The following FGGY variants were observed in gnomAD, a reference collection of about 807,000 sequenced individuals.
FGGY encodes FGGY carbohydrate kinase domain containing, also known as FGGY carbohydrate kinase domain-containing protein.
A neutral mutation model predicts 71.3 loss-of-function variants in FGGY; 72 were observed. That is an observed-to-expected ratio of 1.01 (90% CI 0.84 to 1.23). The LOEUF is 1.23. FGGY is among the 50% of genes most tolerant of loss of function. The pLI is 0.00. For missense variants in FGGY, 668 were observed against 682.3 expected (o/e 0.98, Z 0.23); for synonymous variants, 251 against 250.3 (o/e 1.00, Z -0.02).
chr1:59,567,214 A>T (rs1352304121), intron 8 of FGGY, among the ~76,000 whole-genome samples: 1 of 152,190 alleles, frequency 6.6e-6, no homozygotes, highest in African/African-American at 2.4e-5. Flanking sequence ...TTCCTTGATT[A>T]ACTGACCCTT....
chr1:59,317,503 C>G (rs539347827), intron 1 of FGGY, among the ~76,000 whole-genome samples: 2 of 152,214 alleles, frequency 1.3e-5, no homozygotes, highest in Non-Finnish European at 2.9e-5. Flanking sequence ...TTCCACTTTA[C>G]AGTTACTTTA....
chr1:59,538,946 G>A (rs993986046), intron 7 of FGGY, among the ~76,000 whole-genome samples: 3 of 152,026 alleles, frequency 2.0e-5, no homozygotes, highest in Non-Finnish European at 4.4e-5. Flanking sequence ...ATATGCATAT[G>A]TAACTAACCT....
chr1:59,607,507 G>A (rs907182859), intron 8 of FGGY, among the ~76,000 whole-genome samples: 24 of 152,308 alleles, frequency 1.6e-4, no homozygotes, highest in Middle Eastern at 3.4e-3. Context: ...ACACAGGAAG[G>A]GTGGAGAATG....
At chr1:59,451,925 T>G (rs577928961) in intron 5 of FGGY, among the ~76,000 whole-genome samples, 2 of 152,268 alleles carry the variant, frequency 1.3e-5, no homozygotes, top group South Asian at 4.1e-4. Flanking sequence ...TGTATAATTT[T>G]CTGTTTACTC....
At chr1:59,740,965 A>G (rs966176190) in intron 14 of FGGY, among the ~76,000 whole-genome samples, 1 of 152,246 alleles carries the variant, frequency 6.6e-6, no homozygotes, top group Non-Finnish European at 1.5e-5. Flanking sequence ...TAATTTTTGT[A>G]TTGATTACTT....
At chr1:59,427,605 G>A (rs1335018300) in intron 5 of FGGY, among the ~76,000 whole-genome samples, 1 of 152,194 alleles carries the variant, frequency 6.6e-6, no homozygotes, top group Non-Finnish European at 1.5e-5. Context: ...AAGCATTTGA[G>A]AGATGCTTTA....
At chr1:59,363,614 G>A (rs1041206938) in intron 4 of FGGY, among the ~76,000 whole-genome samples, 1 of 152,188 alleles carries the variant, frequency 6.6e-6, no homozygotes, top group African/African-American at 2.4e-5. Flanking sequence ...AGAATGTAGT[G>A]AGGCCCTCTA....
chr1:59,526,328 A>G (rs1367548020), intron 7 of FGGY, among the ~76,000 whole-genome samples: 3 of 152,230 alleles, frequency 2.0e-5, no homozygotes, highest in African/African-American at 7.2e-5. Context: ...CTTAATGAAG[A>G]GAGGAAATAT....
intron 6 of FGGY, among the ~76,000 whole-genome samples, chr1:59,490,802 G>A (rs2093806931): frequency 6.6e-6 from 1 of 152,016 alleles, no homozygotes; most frequent in Non-Finnish European, 1.5e-5. Context: ...AGTGAATGCT[G>A]TTGGTGCTTT....
intron 10 of FGGY, among the ~76,000 whole-genome samples, chr1:59,633,862 A>G (rs1481796430): frequency 6.6e-6 from 1 of 152,208 alleles, no homozygotes; most frequent in African/African-American, 2.4e-5. Flanking sequence ...GGTGAAAGAC[A>G]GTAGATCTCT....
intron 8 of FGGY, among the ~76,000 whole-genome samples, chr1:59,582,708 TTTG>T (rs943225259): frequency 6.7e-6 from 1 of 150,288 alleles, no homozygotes; most frequent in Middle Eastern, 3.4e-3. Context: ...TCCTTCTGTG[TTTG>T]TTGTTAGTTA....
intron 8 of FGGY, among the ~76,000 whole-genome samples, chr1:59,587,489 C>T (rs931522720): frequency 1.3e-5 from 2 of 152,270 alleles, no homozygotes; most frequent in South Asian, 2.1e-4. Context: ...GGCAGACTGC[C>T]TCCTCAAGTG....
chr1:59,386,520 C>G lies in FGGY; in HGVS notation c.554+7683C>G, dbSNP rs115049642. Among the ~76,000 whole-genome samples the G allele has an allele frequency of 4.1e-3, 620 of 152,208 alleles. 5 individuals are homozygous for G. The highest frequency in any genetic ancestry group is 0.013 in the African/African-American group (538 of 41,552). On this transcript the variant is annotated intron_variant, in intron 5 of 15. Coordinates refer to ENST00000303721, the MANE Select transcript of FGGY (RefSeq NM_018291.5). ...GCTGAGATATTGTCAGGTTTCTCCA[C>G]TCTAAATTACTCTTCCACCCCCCAC... is the stretch of plus-strand genomic sequence containing the variant.
intron 3 of FGGY, among the ~76,000 whole-genome samples, chr1:59,344,700 C>G (rs1456138736): frequency 1.3e-5 from 2 of 152,118 alleles, no homozygotes; most frequent in African/African-American, 2.4e-5. Context: ...TTCCCATGTA[C>G]TTCAGATAAT....
At chr1:59,591,477 G>A (rs143909755) in intron 8 of FGGY, among the ~76,000 whole-genome samples, 8,072 of 151,012 alleles carry the variant, frequency 0.053, 422 homozygotes, top group African/African-American at 0.14. Flanking sequence ...AGCCCGCATC[G>A]CCAAGTCAAT....
Position 59,569,423 on chromosome 1 carries a change from TG to T in FGGY, c.903+15197del, listed in dbSNP as rs1203363651. Among the ~76,000 whole-genome samples, 35 of 152,316 alleles carry T rather than the reference TG, an allele frequency of 2.3e-4. No individual in the cohort carries two copies. The East Asian group carries it at 2.9e-3, about 13-fold the overall frequency. On this transcript the variant is annotated intron_variant, in intron 8 of 15. Transcript: ENST00000303721. ...AGGTCAAAGAGATTACAGGCTAGTA[TG>T]TGGTATTTTATACCCATTCCTTGAA...
intron 9 of FGGY, 94 bp downstream of exon 9, chr1:59,608,004 A>G (rs897356374): frequency 1.0e-6 from 1 of 981,424 alleles, no homozygotes; most frequent in African/African-American, 1.6e-5. Context: ...TATCTGGAGG[A>G]TTTGCAGACC....
chr1:59,593,971 A>C (rs776208136), intron 8 of FGGY, among the ~76,000 whole-genome samples: 1 of 152,218 alleles, frequency 6.6e-6, no homozygotes, highest in Non-Finnish European at 1.5e-5. Context: ...GGGGCTCTGC[A>C]CAAAAGGCTG....
At chr1:59,400,955 T>G (rs1199879298) in intron 5 of FGGY, among the ~76,000 whole-genome samples, 1 of 152,038 alleles carries the variant, frequency 6.6e-6, no homozygotes, top group Non-Finnish European at 1.5e-5. Flanking sequence ...TTCTTAATTA[T>G]TATTTTATAT....
Sources: gnomAD v4.1 joint callset for allele counts (sites outside exome capture counted in the v4.1 genomes callset) on GRCh38, gnomAD v4.1.1 for gene constraint, MANE v1.5 for transcripts, NCBI Gene and HGNC (gene_info 2026-07-23, HGNC 2026-07-21) for gene names.